AUTS2: variants seen among roughly 807,000 people sequenced by gnomAD.
AUTS2 encodes the protein autism susceptibility gene 2 protein.
AUTS2 carries 17 observed loss-of-function variants against 112.4 expected under a neutral mutation model. That is an observed-to-expected ratio of 0.15 (90% CI 0.10 to 0.23). AUTS2 has a LOEUF of 0.23. AUTS2 is among the 10% of genes least tolerant of loss of function. The probability of loss-of-function intolerance (pLI) is 1.00; values close to 1 mark genes in which losing one functional copy is unlikely to be tolerated. For synonymous variants in AUTS2, 751 were observed against 702.7 expected, an observed-to-expected ratio of 1.07 and a Z score of -1.09; for missense variants, 1,510 against 1,701.6, an observed-to-expected ratio of 0.89 and a Z score of 1.98.
intron 6 of AUTS2, among the ~76,000 whole-genome samples, chr7:70,749,130 A>G (rs1788643234): frequency 6.6e-6 from 1 of 152,068 alleles, no homozygotes; most frequent in Non-Finnish European, 1.5e-5. Context: ...GCCTCCCACC[A>G]CCGCATCCTG....
At chr7:69,977,410 G>C (rs1798105462) in intron 2 of AUTS2, among the ~76,000 whole-genome samples, 1 of 152,078 alleles carries the variant, frequency 6.6e-6, no homozygotes, top group Admixed American at 6.5e-5. Context: ...TAAATTGTTT[G>C]GTGATTTGGA....
chr7:70,330,337 T>C (rs758216189), intron 4 of AUTS2, among the ~76,000 whole-genome samples: 9 of 152,308 alleles, frequency 5.9e-5, no homozygotes, highest in Non-Finnish European at 1.3e-4. Flanking sequence ...TTCATTGTTT[T>C]GTATGTGGAT....
intron 1 of AUTS2, among the ~76,000 whole-genome samples, chr7:69,615,343 C>G (rs1793314278): frequency 6.6e-6 from 1 of 152,144 alleles, no homozygotes; most frequent in African/African-American, 2.4e-5. Context: ...TGCTCTATCG[C>G]CCAGGCTGGA....
chr7:70,778,352 T>TAACA (rs920253087), intron 14 of AUTS2, among the ~76,000 whole-genome samples: 61 of 152,310 alleles, frequency 4.0e-4, no homozygotes, highest in Middle Eastern at 3.4e-3. Flanking sequence ...CTTTTAGTCC[T>TAACA]AACAGCATTT....
At chr7:70,061,163 G>A (rs917655582) in intron 2 of AUTS2, among the ~76,000 whole-genome samples, 1 of 152,208 alleles carries the variant, frequency 6.6e-6, no homozygotes, top group African/African-American at 2.4e-5. Context: ...GTTGAGAGGA[G>A]TTTGATATTG....
At chr7:70,589,594 A>G (rs918302636) in intron 5 of AUTS2, among the ~76,000 whole-genome samples, 2 of 152,122 alleles carry the variant, frequency 1.3e-5, no homozygotes, top group Admixed American at 6.5e-5. Context: ...GACGCCTGTA[A>G]TCCCAGCTAC....
chr7:70,243,236 TG>T (rs1812720217), intron 4 of AUTS2, among the ~76,000 whole-genome samples: 5 of 49,610 alleles, frequency 1.0e-4, no homozygotes, highest in South Asian at 5.2e-4. Context: ...TATCCTTGTG[TG>T]TGTGTGTGTG....
Position 69,899,527 on chromosome 7 carries a change from G to T in AUTS2, c.522+29G>T, listed in dbSNP as rs1419573768. 2.5e-6 allele frequency: 4 copies of T among 1,608,216 alleles called. No individual in the cohort carries two copies. The East Asian group carries it at 8.9e-5, about 36-fold the overall frequency. On this transcript the variant is annotated intron_variant, in intron 2 of 18. Transcript: ENST00000342771. ...AGGAAGCTTGGGTTCGCTCTTTCCT[G>T]TGGCGGCAAAATCCCTTCCTTAGGT...
At chr7:69,881,450 T>C (rs900446939) in intron 1 of AUTS2, among the ~76,000 whole-genome samples, 8 of 152,170 alleles carry the variant, frequency 5.3e-5, no homozygotes, top group Non-Finnish European at 1.2e-4. Flanking sequence ...CTAGTAACTA[T>C]TTTTGTATGC....
chr7:70,542,953 C>T (rs1800613002), intron 5 of AUTS2, among the ~76,000 whole-genome samples: 1 of 152,146 alleles, frequency 6.6e-6, no homozygotes, highest in East Asian at 1.9e-4. Flanking sequence ...GATTCAGTTC[C>T]AAGCACTAAG....
At chr7:69,893,693 G>A (rs1794620858) in intron 1 of AUTS2, among the ~76,000 whole-genome samples, 1 of 152,184 alleles carries the variant, frequency 6.6e-6, no homozygotes, top group South Asian at 2.1e-4. Flanking sequence ...AGGTTAGTTT[G>A]CTTGGAAAAA....
At chr7:70,320,048 T>G (rs1459383103) in intron 4 of AUTS2, among the ~76,000 whole-genome samples, 1 of 152,244 alleles carries the variant, frequency 6.6e-6, no homozygotes, top group African/African-American at 2.4e-5. Flanking sequence ...TTATTCAACC[T>G]CTACATTGCT....
chr7:70,321,140 T>G (rs1324755267), intron 4 of AUTS2, among the ~76,000 whole-genome samples: 1 of 152,184 alleles, frequency 6.6e-6, no homozygotes, highest in Non-Finnish European at 1.5e-5. Flanking sequence ...GTAGTATTAT[T>G]CCCATTTGAA....
intron 4 of AUTS2, among the ~76,000 whole-genome samples, chr7:70,353,867 G>T (rs1331561608): frequency 1.3e-5 from 2 of 152,138 alleles, no homozygotes; most frequent in Admixed American, 1.3e-4. Flanking sequence ...CTCTCTTGTT[G>T]TCAGCTCTGC....
intron 1 of AUTS2, among the ~76,000 whole-genome samples, chr7:69,891,409 T>C (rs1794512652): frequency 6.6e-6 from 1 of 152,226 alleles, no homozygotes; most frequent in East Asian, 1.9e-4. Flanking sequence ...GTTTGCAGTT[T>C]TAGAAGCATT....
chr7:69,806,525 G>A (rs184564748), intron 1 of AUTS2, among the ~76,000 whole-genome samples: 3 of 152,002 alleles, frequency 2.0e-5, no homozygotes, highest in Admixed American at 1.3e-4. Flanking sequence ...GGAGTGCAGC[G>A]GTGCCATCAC....
At chr7:69,692,876 AC>A (rs1362225276) in intron 1 of AUTS2, among the ~76,000 whole-genome samples, 3 of 152,150 alleles carry the variant, frequency 2.0e-5, no homozygotes, top group African/African-American at 7.2e-5. Context: ...GGCTTCTGAA[AC>A]CCCTCTAGGT....
chr7:69,940,443 A>G (rs1484224821), intron 2 of AUTS2, among the ~76,000 whole-genome samples: 1 of 152,186 alleles, frequency 6.6e-6, no homozygotes, highest in Non-Finnish European at 1.5e-5. Context: ...CACAGGCTGG[A>G]CAGAATAAAA....
At chr7:70,520,998 G>C (rs1321315633) in intron 5 of AUTS2, among the ~76,000 whole-genome samples, 4 of 151,888 alleles carry the variant, frequency 2.6e-5, no homozygotes, top group Admixed American at 2.6e-4. Flanking sequence ...TTCTTCCTTG[G>C]AAGTTTCCCA....
Sources: allele counts gnomAD v4.1 joint callset (sites outside exome capture counted in the v4.1 genomes callset), GRCh38; gene constraint gnomAD v4.1.1; transcripts MANE v1.5; gene names NCBI Gene and HGNC (gene_info 2026-07-23, HGNC 2026-07-21).